The following FETUB variants were observed in gnomAD, a reference collection of about 807,000 sequenced individuals.
FETUB encodes the protein fetuin B.
FETUB carries 28 observed loss-of-function variants against 30.9 expected under a neutral mutation model. The observed-to-expected ratio is 0.90, with a 90% confidence interval of 0.67 to 1.24. FETUB has a LOEUF of 1.24. FETUB is among the 50% of genes most tolerant of loss of function. The pLI, the probability that FETUB is intolerant of heterozygous loss-of-function variation, is 0.00. For missense variants in FETUB, 469 were observed against 455.3 expected (o/e 1.03, Z -0.27); for synonymous variants, 186 against 175.9 (o/e 1.06, Z -0.45).
upstream of FETUB, among the ~76,000 whole-genome samples, chr3:186,639,151 T>C (rs1171993404): frequency 6.6e-6 from 1 of 152,212 alleles, no homozygotes; most frequent in Non-Finnish European, 1.5e-5. Flanking sequence ...CTATACCTGC[T>C]GAGAGCCTTC....
intron 2 of FETUB, chr3:186,641,386 T>C (rs1199064816): frequency 4.9e-6 from 2 of 412,084 alleles, no homozygotes; most frequent in East Asian, 4.4e-5. Context: ...CCAAGTTGTG[T>C]TTTTACCTCC....
Position 186,646,340 on chromosome 3 carries a change from C to T in FETUB, c.687C>T (p.Ser229=), listed in dbSNP as rs199763365. ...SQASSCSLQS[S]DSVPVGLCKG... is the part of the protein sequence containing the mutation. ...CCAGCAGCTGTTCACTTCAGTCCTC[C>T]GACTCTGTGGTGAGTTTTCCTGAAT... The change falls in exon 5 of 7, where the codon TCC becomes TCT. Residue 229 remains serine, a synonymous_variant. Transcript: ENST00000265029. 37 of 1,610,746 alleles carry T rather than the reference C, an allele frequency of 2.3e-5. No homozygotes were observed. Among genetic ancestry groups the T allele is most frequent in the Admixed American group, 6.7e-5 (4 of 59,994 alleles).
In FETUB at chr3:186,644,912, T is replaced by A; in HGVS notation, c.586T>A (p.Ser196Thr). Residue 196 changes from serine to threonine, a missense_variant, in exon 4 of 7, where the codon TCT becomes ACT. Transcript: ENST00000265029. ...QYSLFKVTRA[S>T]SQWVVGPSYF... ...TTCTCTCTTCAAAGTCACCAGGGCT[T>A]CTAGCCAGGTAAGGCTAAAACTGCC... The A allele has an allele frequency of 6.8e-6, 11 of 1,612,226 alleles. 1 individual carries two copies. The South Asian group carries it at 1.1e-4, about 16-fold the overall frequency.
chr3:186,643,598 G>A (rs1717250222), intron 3 of FETUB, among the ~76,000 whole-genome samples: 1 of 152,198 alleles, frequency 6.6e-6, no homozygotes, highest in Non-Finnish European at 1.5e-5. Flanking sequence ...GTTCCTGGTT[G>A]TGAAGGCAAG....
upstream of FETUB, among the ~76,000 whole-genome samples, chr3:186,638,268 A>G (rs2108511252): frequency 6.6e-6 from 1 of 152,306 alleles, no homozygotes; most frequent in South Asian, 2.1e-4. Context: ...TTTAACTTCC[A>G]TGCTGATACT....
intron 4 of FETUB, 52 bp from the exon 5 acceptor site, chr3:186,646,196 T>G: frequency 7.4e-7 from 1 of 1,358,790 alleles, no homozygotes; most frequent in Non-Finnish European, 1.1e-6. Context: ...CTGAGTCTTT[T>G]CCCTAGGCAG....
rs1180074039 is a variant in FETUB at position 186,644,817 on chromosome 3, A to G, written c.491A>G (p.Asn164Ser). 6.2e-6 allele frequency: 10 copies of G among 1,613,870 alleles called. No homozygotes were observed. The highest frequency in any genetic ancestry group is 2.2e-5 in the East Asian group (1 of 44,896). The change falls in exon 4 of 7, where the codon AAT (asparagine) becomes AGT (serine). Residue 164 changes from asparagine (N) to serine (S), a missense_variant. By Grantham distance (46) the Asn-to-Ser change is conservative. Coordinates refer to ENST00000265029, the MANE Select transcript of FETUB (RefSeq NM_014375.3). ...CPSSIPTDSS[N>S]HQVLEAATES... is the part of the protein sequence containing the mutation. ...AGCTCCATACCCACTGACTCTTCCAATCACCAAGTGCTGGAGGCTGCCACC... is the reference window on the plus strand; with the variant it reads ...AGCTCCATACCCACTGACTCTTCCAGTCACCAAGTGCTGGAGGCTGCCACC...
chr3:186,649,965 C>T (rs1177241385), intron 5 of FETUB, among the ~76,000 whole-genome samples: 1 of 152,020 alleles, frequency 6.6e-6, no homozygotes, highest in Non-Finnish European at 1.5e-5. Flanking sequence ...ATGCAACGGA[C>T]ATGGTATTAT....
intron 2 of FETUB, chr3:186,641,403 T>G (rs1717046339): frequency 2.8e-6 from 1 of 360,060 alleles, no homozygotes; most frequent in South Asian, 3.7e-5. Context: ...CTCCAAGACC[T>G]TCCGTTAGGC....
At chr3:186,648,677 C>T (rs1437878458) in intron 5 of FETUB, among the ~76,000 whole-genome samples, 2 of 152,162 alleles carry the variant, frequency 1.3e-5, no homozygotes, top group Non-Finnish European at 2.9e-5. Flanking sequence ...TTTCTTTCAA[C>T]AAAGTTTTGT....
At chr3:186,650,072 C>T (rs1717883286) in intron 5 of FETUB, among the ~76,000 whole-genome samples, 1 of 143,048 alleles carries the variant, frequency 7.0e-6, no homozygotes, top group Non-Finnish European at 1.5e-5. Context: ...TTGATGGACA[C>T]AACATCGGCT....
At chr3:186,648,319 T>G (rs1057286242) in intron 5 of FETUB, among the ~76,000 whole-genome samples, 1 of 152,240 alleles carries the variant, frequency 6.6e-6, no homozygotes, top group African/African-American at 2.4e-5. Flanking sequence ...GTTTATTTCT[T>G]TAATCTCAAT....
At chr3:186,640,957 G>T in intron 1 of FETUB, 73 bp from the exon 2 acceptor site, 2 of 950,288 alleles carry the variant, frequency 2.1e-6, no homozygotes, top group Admixed American at 2.1e-5. Context: ...ATAAAGCAGG[G>T]GTTTTTTTGT....
At chr3:186,650,717 G>C (rs1717954771) in intron 5 of FETUB, among the ~76,000 whole-genome samples, 1 of 151,994 alleles carries the variant, frequency 6.6e-6, no homozygotes, top group Non-Finnish European at 1.5e-5. Flanking sequence ...CAATTTACAG[G>C]TCTTTATTTT....
chr3:186,643,489 A>G (rs1182173193), intron 3 of FETUB, among the ~76,000 whole-genome samples: 2 of 152,184 alleles, frequency 1.3e-5, no homozygotes, highest in African/African-American at 4.8e-5. Context: ...TCAGGACCTG[A>G]GATCCTGCAT....
rs553689035 is a variant in FETUB, at chr3:186,652,800, G to A, written c.*169G>A. The A allele has an allele frequency of 6.4e-6, 5 of 782,760 alleles. No homozygotes were observed. The South Asian group carries it at 7.8e-5, about 12-fold the overall frequency. 48.5% of individuals were successfully genotyped at this position (782,760 alleles called of 1,614,324 possible). A position where few individuals can be genotyped will look rare whatever the true frequency, so the allele number is the denominator to read the frequency against. On this transcript the variant is annotated 3_prime_UTR_variant, in exon 7 of 7. Coordinates refer to ENST00000265029, the MANE Select transcript of FETUB (RefSeq NM_014375.3). ...CTGGGATTGGAAATAATGAGACTGA[G>A]CCCTCGGCTTGGGCTGCACTCTACC...
upstream of FETUB, chr3:186,640,268 C>G (rs910933084): frequency 2.3e-5 from 14 of 604,236 alleles, no homozygotes; most frequent in Admixed American, 2.9e-4. Context: ...GCTCAAGGGT[C>G]TAAGGTTAGA....
chr3:186,644,719 C>T (rs1365947346), intron 3 of FETUB, 32 bp from the exon 4 acceptor site: 1 of 1,539,178 alleles, frequency 6.5e-7, no homozygotes, highest in Non-Finnish European at 8.8e-7. Context: ...AAATTAATAG[C>T]ATTTAAAAAC....
chr3:186,646,323 T>C lies in FETUB; in HGVS notation c.670T>C (p.Cys224Arg). 1.9e-6 allele frequency: 3 copies of C among 1,613,936 alleles called. No homozygotes were observed. The highest frequency in any genetic ancestry group is 2.5e-6 in the Non-Finnish European group (3 of 1,179,766). The change falls in exon 5 of 7, where the codon TGT becomes CGT. Residue 224 changes from cysteine (C) to arginine (R), a missense_variant. Physicochemically the swap from Cys to Arg is radical, Grantham distance 180. Coordinates refer to ENST00000265029, the MANE Select transcript of FETUB (RefSeq NM_014375.3). The stretch of plus-strand genomic sequence containing the variant: ...ATGTACTAAATCCCAGGCCAGCAGC[T>C]GTTCACTTCAGTCCTCCGACTCTGT... Reference protein sequence around the residue: ...SPCTKSQASSCSLQSSDSVPV... With the variant: ...SPCTKSQASSRSLQSSDSVPV...
Sources: allele counts gnomAD v4.1 joint callset (sites outside exome capture counted in the v4.1 genomes callset), GRCh38; gene constraint gnomAD v4.1.1; transcripts MANE v1.5; gene names NCBI Gene and HGNC (gene_info 2026-07-23, HGNC 2026-07-21).